APBB2: variants seen among roughly 807,000 people sequenced by gnomAD.
APBB2 encodes amyloid beta precursor protein binding family B member 2.
In APBB2, 38 loss-of-function variants were observed where a neutral mutation model predicts 82.5. That is an observed-to-expected ratio of 0.46 (90% confidence interval 0.36 to 0.60). APBB2 has a LOEUF of 0.60. Ranked by LOEUF, APBB2 falls within the 20% of genes least tolerant of loss-of-function variation. The probability of loss-of-function intolerance (pLI) is 0.00; values close to 1 mark genes in which losing one functional copy is unlikely to be tolerated. For missense variants in APBB2, 772 were observed against 972.3 expected (o/e 0.79, Z 2.74); for synonymous variants, 341 against 368.2 (o/e 0.93, Z 0.85).
At chr4:41,013,248 T>G (rs970168813) in intron 6 of APBB2, among the ~76,000 whole-genome samples, 4 of 152,330 alleles carry the variant, frequency 2.6e-5, no homozygotes, top group South Asian at 2.1e-4. Flanking sequence ...AACCCAGTAT[T>G]TCTAGATAGC....
rs143934369 is a variant in APBB2, at chr4:41,034,481, C to T, written c.-50-1177G>A. 1.7e-3 allele frequency among the ~76,000 whole-genome samples: 259 copies of T among 152,252 alleles called. 1 individual carries two copies. Among genetic ancestry groups the T allele is most frequent in the African/African-American group, 6.0e-3 (251 of 41,536 alleles). On this transcript the variant is annotated intron_variant, in intron 4 of 17. Transcript: ENST00000508593. ...TTGGGATTACAGGCGCGCATCACCA[C>T]GCCCAACTAATTTTTGTATTTTTAG... is the stretch of plus-strand genomic sequence containing the variant.
chr4:41,101,600 G>C (rs1053183012), intron 2 of APBB2, among the ~76,000 whole-genome samples: 7 of 150,490 alleles, frequency 4.7e-5, no homozygotes, highest in Admixed American at 4.6e-4. Context: ...AGAATGGGAA[G>C]AGAAAGCCGT....
intron 12 of APBB2, among the ~76,000 whole-genome samples, chr4:40,846,956 C>A (rs1228844900): frequency 6.6e-6 from 1 of 151,764 alleles, no homozygotes; most frequent in African/African-American, 2.4e-5. Context: ...AAACAAAAAA[C>A]CAAATGCAAA....
chr4:40,898,275 T>TTA (rs1774259766), intron 10 of APBB2, among the ~76,000 whole-genome samples: 1 of 152,224 alleles, frequency 6.6e-6, no homozygotes, highest in African/African-American at 2.4e-5. Context: ...GTTTGTTTAT[T>TTA]ATTTTTGAGA....
intron 1 of APBB2, among the ~76,000 whole-genome samples, chr4:41,146,742 G>A (rs539108876): frequency 1.3e-5 from 2 of 152,292 alleles, no homozygotes; most frequent in Admixed American, 1.3e-4. Context: ...GGGGAGAGAG[G>A]AGGACAGGTG....
At chr4:40,848,892 T>C in intron 12 of APBB2, 1 of 985,326 alleles carries the variant, frequency 1.0e-6, no homozygotes, top group Non-Finnish European at 1.2e-6. Context: ...CCCCAGTCAT[T>C]GTCAACATTC....
intron 12 of APBB2, among the ~76,000 whole-genome samples, chr4:40,889,152 T>C (rs943775463): frequency 6.6e-6 from 1 of 152,244 alleles, no homozygotes; most frequent in African/African-American, 2.4e-5. Context: ...AAGATGCAAC[T>C]GTGCTCCCAG....
chr4:41,154,868 G>A (rs75773948), intron 1 of APBB2, among the ~76,000 whole-genome samples: 6,260 of 152,122 alleles, frequency 0.041, 144 homozygotes, highest in Middle Eastern at 0.058. Flanking sequence ...CCTCCCACAA[G>A]GTCCAACTCA....
At chr4:41,164,871 G>C (rs952308013) in intron 1 of APBB2, among the ~76,000 whole-genome samples, 6 of 152,140 alleles carry the variant, frequency 3.9e-5, no homozygotes, top group Admixed American at 3.9e-4. Context: ...GTTTTTTAGA[G>C]GGCTAGACTA....
chr4:40,976,744 T>C (rs1331377710), intron 6 of APBB2, among the ~76,000 whole-genome samples: 3 of 152,082 alleles, frequency 2.0e-5, no homozygotes, highest in Non-Finnish European at 4.4e-5. Flanking sequence ...AACATTAATT[T>C]CCTATTTATT....
chr4:40,953,507 C>T (rs1045623249), intron 6 of APBB2, among the ~76,000 whole-genome samples: 1 of 151,946 alleles, frequency 6.6e-6, no homozygotes, highest in African/African-American at 2.4e-5. Context: ...AGCCCCAATC[C>T]ACCCCGACAT....
intron 7 of APBB2, among the ~76,000 whole-genome samples, chr4:40,943,559 C>G (rs995123865): frequency 6.6e-6 from 1 of 152,196 alleles, no homozygotes; most frequent in African/African-American, 2.4e-5. Context: ...AAGAGGACTC[C>G]TCTCCATACC....
intron 1 of APBB2, among the ~76,000 whole-genome samples, chr4:41,187,803 T>C (rs1773291101): frequency 6.6e-6 from 1 of 152,214 alleles, no homozygotes; most frequent in South Asian, 2.1e-4. Context: ...GTGACATGAG[T>C]TATCCATTTG....
intron 12 of APBB2, among the ~76,000 whole-genome samples, chr4:40,836,613 G>T (rs1239251135): frequency 6.6e-6 from 1 of 152,206 alleles, no homozygotes; most frequent in African/African-American, 2.4e-5. Flanking sequence ...CTGGGGAAGA[G>T]GGCAGGAGAA....
At chr4:40,956,705 G>T (rs1791729730) in intron 6 of APBB2, among the ~76,000 whole-genome samples, 1 of 151,892 alleles carries the variant, frequency 6.6e-6, no homozygotes, top group African/African-American at 2.4e-5. Context: ...TTAATGTTAA[G>T]ATTTCTGAGT....
intron 6 of APBB2, among the ~76,000 whole-genome samples, chr4:40,989,646 T>G (rs1472916968): frequency 6.6e-6 from 1 of 152,160 alleles, no homozygotes; most frequent in Non-Finnish European, 1.5e-5. Flanking sequence ...CAATAAACAA[T>G]TTATCATGAT....
chr4:41,004,613 G>T (rs554207168), intron 6 of APBB2, among the ~76,000 whole-genome samples: 1 of 151,638 alleles, frequency 6.6e-6, no homozygotes, highest in South Asian at 2.1e-4. Flanking sequence ...AAGGCGGGTG[G>T]ATCATGAGGT....
rs531583462 is a variant in APBB2, at chr4:40,946,256, A to C, written c.836-1183T>G. Among the ~76,000 whole-genome samples, 157 of 119,122 alleles carry C rather than the reference A, an allele frequency of 1.3e-3. 4 individuals carry two copies. The highest frequency in any genetic ancestry group is 4.5e-3 in the Middle Eastern group (1 of 222). 78.1% of individuals were successfully genotyped at this position (119,122 alleles called of 152,430 possible). On this transcript the variant is annotated intron_variant, in intron 6 of 17. Transcript: ENST00000508593. Reference sequence around the variant, plus strand: ...CCAAAAAAAAAAAAAAAAAAAAAACATTCCCAAGGAAAGCAGATTGGAAAA... The same window carrying C: ...CCAAAAAAAAAAAAAAAAAAAAAACCTTCCCAAGGAAAGCAGATTGGAAAA...
intron 2 of APBB2, among the ~76,000 whole-genome samples, chr4:41,106,451 T>C (rs1580086334): frequency 1.1e-5 from 1 of 90,112 alleles, no homozygotes; most frequent in Non-Finnish European, 2.2e-5. Flanking sequence ...TAACTTTTTA[T>C]AGATTAGGCA....
Sources: gnomAD v4.1 joint callset for allele counts (sites outside exome capture counted in the v4.1 genomes callset) on GRCh38, gnomAD v4.1.1 for gene constraint, MANE v1.5 for transcripts, NCBI Gene and HGNC (gene_info 2026-07-23, HGNC 2026-07-21) for gene names.